CBLN2: variants seen among roughly 807,000 people sequenced by gnomAD.
CBLN2 encodes cerebellin 2 precursor, also known as cerebellin-2.
Under a neutral mutation model 15.0 loss-of-function variants are expected in CBLN2, and 7 were observed. The observed-to-expected ratio is 0.47, with a 90% confidence interval of 0.27 to 0.88. CBLN2 has a LOEUF of 0.88. Ranked by LOEUF, CBLN2 falls within the 40% of genes least tolerant of loss-of-function variation. CBLN2 has a pLI of 0.14. For synonymous variants in CBLN2, 149 were observed against 135.2 expected (o/e 1.10, Z -0.71); for missense variants, 242 against 304.5 (o/e 0.79, Z 1.53).
chr18:72,577,769 T>C (rs2069377579), intron 1 of CBLN2, among the ~76,000 whole-genome samples: 1 of 152,116 alleles, frequency 6.6e-6, no homozygotes, highest in Admixed American at 6.6e-5. Context: ...ATCTCGTGAG[T>C]TGCACATTTC....
intron 1 of CBLN2, among the ~76,000 whole-genome samples, chr18:72,612,103 T>C (rs1254170610): frequency 2.6e-5 from 4 of 152,192 alleles, no homozygotes; most frequent in Admixed American, 2.0e-4. Flanking sequence ...GTTATATGTG[T>C]CTGTTTTTGT....
intron 1 of CBLN2, among the ~76,000 whole-genome samples, chr18:72,574,836 C>A (rs2069354486): frequency 6.6e-6 from 1 of 152,148 alleles, no homozygotes; most frequent in Non-Finnish European, 1.5e-5. Context: ...GCTAACGACA[C>A]TTTTGAAGTT....
chr18:72,590,379 G>A (rs1440027879), intron 1 of CBLN2, among the ~76,000 whole-genome samples: 2 of 152,158 alleles, frequency 1.3e-5, no homozygotes, highest in African/African-American at 4.8e-5. Flanking sequence ...CCGGGAGGTG[G>A]AGGTTGTAGT....
At chr18:72,617,565 C>A (rs759634017) in intron 1 of CBLN2, among the ~76,000 whole-genome samples, 1 of 152,118 alleles carries the variant, frequency 6.6e-6, no homozygotes, top group Non-Finnish European at 1.5e-5. Flanking sequence ...CCTTTAATTA[C>A]TAAACATAAT....
intron 1 of CBLN2, among the ~76,000 whole-genome samples, chr18:72,633,847 T>C (rs906607372): frequency 6.6e-6 from 1 of 152,114 alleles, no homozygotes; most frequent in Admixed American, 6.6e-5. Context: ...TTAATAAATA[T>C]TGTAAAAGCA....
intron 1 of CBLN2, among the ~76,000 whole-genome samples, chr18:72,598,370 C>T (rs535076659): frequency 7.2e-5 from 11 of 152,272 alleles, no homozygotes; most frequent in Admixed American, 2.6e-4. Flanking sequence ...ATGAGGGCCT[C>T]GGGACTCTGC....
chr18:72,595,219 G>A (rs2069505394), intron 1 of CBLN2, among the ~76,000 whole-genome samples: 1 of 151,450 alleles, frequency 6.6e-6, no homozygotes, highest in African/African-American at 2.4e-5. Context: ...AGGTTTTGGT[G>A]CATTGTGTTT....
chr18:72,625,723 TATAC>T (rs202234385), intron 1 of CBLN2, among the ~76,000 whole-genome samples: 9,525 of 39,876 alleles, frequency 0.24, 418 homozygotes, highest in African/African-American at 0.33. Flanking sequence ...TATATATATA[TATAC>T]ACACTCTTGT....
Position 72,567,944 on chromosome 18 carries a change from C to A in CBLN2, c.16-29172G>T, listed in dbSNP as rs643493. On this transcript the variant is annotated intron_variant, in intron 1 of 2. Transcript: ENST00000581073. Reference sequence around the variant, plus strand: ...ATAATTTTCCATTAGAAATAAAAGCCTATAATAAAACTATTGTTAGGATTA... The same window carrying A: ...ATAATTTTCCATTAGAAATAAAAGCATATAATAAAACTATTGTTAGGATTA... Among the ~76,000 whole-genome samples the A allele has an allele frequency of 2.6e-3, 400 of 152,230 alleles. 4 individuals are homozygous for A. Among genetic ancestry groups the A allele is most frequent in the African/African-American group, 9.4e-3 (389 of 41,550 alleles).
At chr18:72,587,052 TCAA>T (rs1428061874) in intron 1 of CBLN2, among the ~76,000 whole-genome samples, 3 of 151,972 alleles carry the variant, frequency 2.0e-5, no homozygotes, top group South Asian at 4.1e-4. Context: ...TAGCGTATCA[TCAA>T]CATTCTAATA....
At chr18:72,549,416 C>T (rs1156341348) in intron 1 of CBLN2, among the ~76,000 whole-genome samples, 1 of 152,156 alleles carries the variant, frequency 6.6e-6, no homozygotes, top group African/African-American at 2.4e-5. Flanking sequence ...ATATTAATAC[C>T]TGAAAAATAT....
chr18:72,595,787 C>G (rs2069509565), intron 1 of CBLN2, among the ~76,000 whole-genome samples: 1 of 151,942 alleles, frequency 6.6e-6, no homozygotes, highest in Non-Finnish European at 1.5e-5. Flanking sequence ...CTTCTTTTTC[C>G]CTTTTCATAG....
chr18:72,549,291 C>T (rs575111278), upstream of CBLN2, among the ~76,000 whole-genome samples: 52 of 152,298 alleles, frequency 3.4e-4, no homozygotes, highest in Admixed American at 2.0e-3. Context: ...GGATTACAGG[C>T]GTGAGCCAAC....
At position 72,629,748 on chromosome 18, in the gene CBLN2, G is replaced by A. The variant is rs189960289; in HGVS notation, c.15+8577C>T. 1.4e-3 allele frequency among the ~76,000 whole-genome samples: 211 copies of A among 151,970 alleles called. 4 individuals are homozygous for A. The highest frequency in any genetic ancestry group is 0.013 in the Admixed American group (204 of 15,266). ...TAGTAACTTGACTTCTTTTTCCTTA[G>A]GATTACATAAATGCTGGATGGTAAC... On this transcript the variant is annotated intron_variant, in intron 1 of 2. Transcript: ENST00000581073.
intron 1 of CBLN2, among the ~76,000 whole-genome samples, chr18:72,634,885 G>A (rs1387380204): frequency 6.6e-6 from 1 of 152,140 alleles, no homozygotes; most frequent in African/African-American, 2.4e-5. Flanking sequence ...ATCCAGTGCA[G>A]TCAAACAGGC....
intron 1 of CBLN2, among the ~76,000 whole-genome samples, chr18:72,580,022 T>C (rs1372320076): frequency 6.6e-6 from 1 of 151,928 alleles, no homozygotes; most frequent in Non-Finnish European, 1.5e-5. Flanking sequence ...ATATGAAAAC[T>C]GGAGTTTTAT....
chr18:72,622,638 T>C (rs2069708878), intron 1 of CBLN2, among the ~76,000 whole-genome samples: 1 of 152,200 alleles, frequency 6.6e-6, no homozygotes, highest in Non-Finnish European at 1.5e-5. Context: ...AGAATGCCTG[T>C]GTGGTAAATT....
chr18:72,555,286 G>A (rs72969364), intron 1 of CBLN2, among the ~76,000 whole-genome samples: 1 of 152,292 alleles, frequency 6.6e-6, no homozygotes, highest in Non-Finnish European at 1.5e-5. Context: ...AGATCTCAGA[G>A]TGCATGCATC....
chr18:72,582,246 C>G (rs1052011241), intron 1 of CBLN2, among the ~76,000 whole-genome samples: 1 of 152,044 alleles, frequency 6.6e-6, no homozygotes, highest in Admixed American at 6.5e-5. Flanking sequence ...TATATCTTGC[C>G]AAGTTTCATA....
Sources: gnomAD v4.1 joint callset for allele counts (sites outside exome capture counted in the v4.1 genomes callset) on GRCh38, gnomAD v4.1.1 for gene constraint, MANE v1.5 for transcripts, NCBI Gene and HGNC (gene_info 2026-07-23, HGNC 2026-07-21) for gene names.